Variants in MRC2 observed in about 807,000 individuals in gnomAD.
MRC2 encodes the protein C-type mannose receptor 2.
A neutral mutation model predicts 206.2 loss-of-function variants in MRC2; 84 were observed. The observed-to-expected ratio is 0.41, with a 90% CI of 0.34 to 0.49. The LOEUF is 0.49. Ranked by LOEUF, MRC2 falls within the 20% of genes least tolerant of loss-of-function variation. The probability of loss-of-function intolerance (pLI) is 0.31; values close to 1 mark genes in which losing one functional copy is unlikely to be tolerated. For synonymous variants in MRC2, 798 were observed against 800.0 expected (o/e 1.00, Z 0.04); for missense variants, 1,676 against 2,001.5 (o/e 0.84, Z 3.10).
chr17:62,648,012 G>T (rs1369604992), intron 1 of MRC2, among the ~76,000 whole-genome samples: 2 of 152,114 alleles, frequency 1.3e-5, no homozygotes, highest in African/African-American at 4.8e-5. Context: ...AGAGTGGAGG[G>T]GTCAAGTGAC....
chr17:62,638,045 T>C (rs2088347902), intron 1 of MRC2, among the ~76,000 whole-genome samples: 1 of 152,036 alleles, frequency 6.6e-6, no homozygotes, highest in Non-Finnish European at 1.5e-5. Context: ...CTATTTTTAG[T>C]AGTGGGAGGG....
At chr17:62,647,953 C>T (rs1345157885) in intron 1 of MRC2, among the ~76,000 whole-genome samples, 7 of 152,280 alleles carry the variant, frequency 4.6e-5, no homozygotes, top group South Asian at 2.1e-4. Flanking sequence ...AATTGGTCTA[C>T]GCAGTGGACA....
In MRC2 at chr17:62,675,111, G is replaced by T. The variant is rs2088875161; in HGVS notation, c.1570-679G>T. On this transcript the variant is annotated intron_variant, in intron 9 of 29. Coordinates refer to ENST00000303375, the MANE Select transcript of MRC2 (RefSeq NM_006039.5). The surrounding 1 kb of genome is among the most constrained non-coding windows in gnomAD (Gnocchi z 4.1). ...TCATGGCTGCGAAGAGGTGAAGGGAGGAGTAGAGAGGAATTACCAACTTCT... is the reference window on the plus strand; with the variant it reads ...TCATGGCTGCGAAGAGGTGAAGGGATGAGTAGAGAGGAATTACCAACTTCT... Among the ~76,000 whole-genome samples the T allele has an allele frequency of 6.6e-6, 1 of 152,184 alleles. No homozygotes were observed. Among genetic ancestry groups the T allele is most frequent in the Non-Finnish European group, 1.5e-5 (1 of 68,014 alleles).
At position 62,671,088 on chromosome 17, in the gene MRC2, TTGAGA is replaced by T. The variant is rs1216717878; in HGVS notation, c.1118-559_1118-555del. 6.6e-6 allele frequency among the ~76,000 whole-genome samples: 1 copy of T among 152,102 alleles called. No homozygotes were observed. Among genetic ancestry groups the T allele is most frequent in the Admixed American group, 6.5e-5 (1 of 15,274 alleles). On this transcript the variant is annotated intron_variant, in intron 6 of 29. Transcript: ENST00000303375. This position sits in a 1 kb window ranked among gnomAD's most constrained non-coding sequence, Gnocchi z 4.5. ...ATTGACTGATTGATTGATGCATTGA[TTGAGA>T]TAAGGTCTTGCTGTGTCGCCCAGGC...
chr17:62,689,615 C>T lies in MRC2; in HGVS notation c.3428C>T (p.Pro1143Leu), dbSNP rs1002858985. The T allele has an allele frequency of 6.2e-6, 10 of 1,603,714 alleles. No individual in the cohort carries two copies. Among genetic ancestry groups the T allele is most frequent in the East Asian group, 4.5e-5 (2 of 44,654 alleles). Reference sequence around the variant, plus strand: ...GGCACCTTCCGGCTGCTTCAGAAGCCGCTGCGCTGGCACGATGCCCTCCTG... The same window carrying T: ...GGCACCTTCCGGCTGCTTCAGAAGCTGCTGCGCTGGCACGATGCCCTCCTG... ...LNGTFRLLQK[P>L]LRWHDALLLC... Residue 1143 changes from proline (P) to leucine (L), a missense_variant, in exon 24 of 30, where the codon CCG (proline) becomes CTG (leucine). Around this residue, in one of 3 missense-constraint regions of MRC2, gnomAD observed 1,354 missense variants for 1,636.6 expected, o/e 0.83. Transcript: ENST00000303375.
chr17:62,653,012 G>T (rs1420069272), intron 1 of MRC2, among the ~76,000 whole-genome samples: 1 of 152,130 alleles, frequency 6.6e-6, no homozygotes, highest in Non-Finnish European at 1.5e-5. Context: ...GGGGGAGAAA[G>T]GGGTCAAGGT....
intron 1 of MRC2, among the ~76,000 whole-genome samples, chr17:62,644,675 C>CA (rs2088453629): frequency 6.6e-6 from 1 of 152,290 alleles, no homozygotes; most frequent in Non-Finnish European, 1.5e-5. Flanking sequence ...TGTAATTGGT[C>CA]AGAGGATGAG....
intron 13 of MRC2, among the ~76,000 whole-genome samples, chr17:62,678,944 C>G (rs2088927453): frequency 6.6e-6 from 1 of 151,980 alleles, no homozygotes; most frequent in Non-Finnish European, 1.5e-5. Context: ...TACATATGTA[C>G]CCCCCACCCC....
intron 1 of MRC2, among the ~76,000 whole-genome samples, chr17:62,633,776 G>A (rs930296694): frequency 1.5e-5 from 2 of 135,138 alleles, no homozygotes; most frequent in African/African-American, 2.8e-5. Flanking sequence ...AGGAGGTTGA[G>A]GCTGTAGTGA....
At position 62,682,346 on chromosome 17, in the gene MRC2, G is replaced by T; in HGVS notation, c.2915G>T (p.Cys972Phe). ...PDLPTTALGGCPSDWIQFLNK... is the reference protein window; with the variant it reads ...PDLPTTALGGFPSDWIQFLNK... The stretch of plus-strand genomic sequence containing the variant: ...CTGCCAACTACAGCCCTGGGGGGCT[G>T]CCCCTCTGACTGGATCCAGTTCCTC... The change falls in exon 20 of 30, where the codon TGC (cysteine) becomes TTC (phenylalanine). Residue 972 changes from cysteine (C) to phenylalanine (F), a missense_variant. Coordinates refer to ENST00000303375, the MANE Select transcript of MRC2 (RefSeq NM_006039.5). 6.2e-7 allele frequency: 1 copy of T among 1,607,232 alleles called. No homozygotes were observed.
Position 62,680,544 on chromosome 17 carries a change from G to A in MRC2, c.2473+91G>A. 4 of 1,536,656 alleles carry A rather than the reference G, an allele frequency of 2.6e-6. No individual in the cohort carries two copies. Among genetic ancestry groups the A allele is most frequent in the Non-Finnish European group, 3.6e-6 (4 of 1,117,164 alleles). On this transcript the variant is annotated intron_variant, in intron 16 of 29. Coordinates refer to ENST00000303375, the MANE Select transcript of MRC2 (RefSeq NM_006039.5). The surrounding 1 kb of genome is among the most constrained non-coding windows in gnomAD (Gnocchi z 4.8). ...CCCGAGAGGCCTGAATGAAATGGAG[G>A]GGATGAGGAGTTCCGGTCGAGAGAA...
chr17:62,643,272 G>T (rs2088429193), intron 1 of MRC2, among the ~76,000 whole-genome samples: 1 of 144,326 alleles, frequency 6.9e-6, no homozygotes, highest in African/African-American at 2.6e-5. Context: ...AGGTTGCAGT[G>T]AGCTGAGATT....
chr17:62,666,987 C>G lies in MRC2; in HGVS notation c.973+117C>G, dbSNP rs1045510268. The stretch of plus-strand genomic sequence containing the variant: ...GGGGCAGTGTGGGTAGGGGAAGCAC[C>G]GACCTCCACCCCCCTCCCCAGACTG... On this transcript the variant is annotated intron_variant, in intron 5 of 29. Coordinates refer to ENST00000303375, the MANE Select transcript of MRC2 (RefSeq NM_006039.5). This position sits in a 1 kb window ranked among gnomAD's most constrained non-coding sequence, Gnocchi z 5.0. The G allele has an allele frequency of 1.3e-6, 1 of 788,040 alleles. No homozygotes were observed. The allele number at this position is 788,040 out of a possible 1,614,324, so 48.8% of individuals were successfully genotyped here.
chr17:62,635,803 T>TC (rs1355333847), intron 1 of MRC2, among the ~76,000 whole-genome samples: 2 of 151,780 alleles, frequency 1.3e-5, no homozygotes, highest in African/African-American at 4.8e-5. Context: ...TTTTTTTTTT[T>TC]CTGAGACGGA....
At position 62,666,318 on chromosome 17, in the gene MRC2, C is replaced by T. The variant is rs766451171; in HGVS notation, c.694+51C>T. 1.5e-5 allele frequency: 23 copies of T among 1,554,766 alleles called. No individual in the cohort carries two copies. In the South Asian group the frequency reaches 2.8e-4, roughly 19 times the overall value. ...CGGGGGCAGTGTTCCTGGAGGGAGG[C>T]TGGTGCTGAGGGGCCCCGGGGCCCA... On this transcript the variant is annotated intron_variant, in intron 3 of 29. Transcript: ENST00000303375. This position sits in a 1 kb window ranked among gnomAD's most constrained non-coding sequence, Gnocchi z 5.0.
intron 23 of MRC2, 83 bp downstream of exon 23, chr17:62,689,043 T>G: frequency 9.0e-7 from 1 of 1,113,394 alleles, no homozygotes; most frequent in Non-Finnish European, 1.3e-6. Context: ...GAGGAAGGAA[T>G]CATGGTCCCT....
At chr17:62,651,779 C>G (rs2088558831) in intron 1 of MRC2, among the ~76,000 whole-genome samples, 1 of 151,918 alleles carries the variant, frequency 6.6e-6, no homozygotes, top group Admixed American at 6.6e-5. Flanking sequence ...ACCATGTTGG[C>G]CAGGCTGGTC....
rs1348488226 is a variant in MRC2 at position 62,692,443 on chromosome 17, C to T, written c.4432C>T (p.Gln1478Ter). Residue 1478 changes from glutamine (Q) to a stop codon, truncating the protein, a stop_gained, in exon 30 of 30, where the codon CAA becomes TAA. Coordinates refer to ENST00000303375, the MANE Select transcript of MRC2 (RefSeq NM_006039.5). LOFTEE classifies it high-confidence loss of function. The surrounding 1 kb of genome is among the most constrained non-coding windows in gnomAD (Gnocchi z 4.2). ...LVSDMEMNEQ[Q>*]E Reference sequence around the variant, plus strand: ...GTCAGACATGGAAATGAATGAGCAACAAGAATAGAGCCAGGCGCGTGGGCA... The same window carrying T: ...GTCAGACATGGAAATGAATGAGCAATAAGAATAGAGCCAGGCGCGTGGGCA... 1.3e-6 allele frequency: 2 copies of T among 1,559,150 alleles called. No homozygotes were observed. Among genetic ancestry groups the T allele is most frequent in the African/African-American group, 1.4e-5 (1 of 73,784 alleles).
intron 1 of MRC2, among the ~76,000 whole-genome samples, chr17:62,645,752 C>T (rs1325159707): frequency 6.6e-6 from 1 of 151,108 alleles, no homozygotes; most frequent in Non-Finnish European, 1.5e-5. Context: ...GTTGCCCAGG[C>T]TGGTCTCAAA....
Sources: allele counts gnomAD v4.1 joint callset (sites outside exome capture counted in the v4.1 genomes callset), GRCh38; gene constraint gnomAD v4.1.1; regional missense constraint gnomAD v4.1.1; non-coding constraint Gnocchi (gnomAD v3.1); transcripts MANE v1.5; gene names NCBI Gene and HGNC (gene_info 2026-07-23, HGNC 2026-07-21).